Variants in LAMA4 observed in about 807,000 individuals in gnomAD.
LAMA4 encodes laminin subunit alpha 4, also known as laminin subunit alpha-4.
LAMA4 carries 127 observed loss-of-function variants against 207.1 expected under a neutral mutation model. The ratio of observed to expected loss-of-function variants is 0.61; its 90% CI spans 0.53 to 0.71. LAMA4 has a LOEUF of 0.71. Among genes scored for constraint, LAMA4 ranks in the 30% least tolerant of loss-of-function variants. The probability of loss-of-function intolerance (pLI) is 0.00; values close to 1 mark genes in which losing one functional copy is unlikely to be tolerated. For synonymous variants in LAMA4, 761 were observed against 816.0 expected (o/e 0.93, Z 1.15); for missense variants, 2,093 against 2,246.5 (o/e 0.93, Z 1.38).
At chr6:112,253,911 G>A (rs1554190414) in intron 2 of LAMA4, 45 bp downstream of exon 2, 2 of 1,613,028 alleles carry the variant, frequency 1.2e-6, no homozygotes, top group Non-Finnish European at 1.7e-6. Context: ...CAGCCCGCGG[G>A]GGCGCAGGTG....
At chr6:112,176,675 G>T (rs1782044002) in intron 10 of LAMA4, among the ~76,000 whole-genome samples, 1 of 152,196 alleles carries the variant, frequency 6.6e-6, no homozygotes, top group Non-Finnish European at 1.5e-5. Flanking sequence ...TTGTGATGCT[G>T]AATTCTCTGG....
At chr6:112,187,634 T>G (rs781851752) in intron 7 of LAMA4, 33 bp from the exon 8 acceptor site, 38 of 1,609,446 alleles carry the variant, frequency 2.4e-5, no homozygotes, top group Non-Finnish European at 2.9e-5. Flanking sequence ...GAATCACAAG[T>G]CAAAAGCATG....
intron 4 of LAMA4, among the ~76,000 whole-genome samples, chr6:112,206,198 G>T (rs1192821221): frequency 6.6e-6 from 1 of 152,210 alleles, no homozygotes; most frequent in Non-Finnish European, 1.5e-5. Context: ...CTGGGAAGAA[G>T]TGTGACTAGC....
intron 19 of LAMA4, among the ~76,000 whole-genome samples, chr6:112,144,528 A>T (rs188284021): frequency 6.6e-6 from 1 of 152,230 alleles, no homozygotes; most frequent in African/African-American, 2.4e-5. Context: ...CTGGCTACAC[A>T]TTAGAATAAC....
rs374456068 is a variant in LAMA4 at position 112,150,379 on chromosome 6, A to G, written c.2173+132T>C. On this transcript the variant is annotated intron_variant, in intron 17 of 38. Coordinates refer to ENST00000230538, the MANE Select transcript of LAMA4 (RefSeq NM_001105206.3). ...TAGAACTTTTTTTTGTGATGAACGTATTTTGTCATCAGAAAATAACATTTA... is the reference window on the plus strand; with the variant it reads ...TAGAACTTTTTTTTGTGATGAACGTGTTTTGTCATCAGAAAATAACATTTA... The G allele has an allele frequency of 1.9e-5, 15 of 784,174 alleles. No individual in the cohort carries two copies. In the African/African-American group the frequency reaches 2.4e-4, roughly 12 times the overall value. The allele number at this position is 784,174 out of a possible 1,614,324, so 48.6% of individuals were successfully genotyped here. A position where few individuals can be genotyped will look rare whatever the true frequency, so the allele number is the denominator to read the frequency against.
intron 9 of LAMA4, among the ~76,000 whole-genome samples, chr6:112,180,677 C>T (rs373613928): frequency 6.6e-6 from 1 of 152,114 alleles, no homozygotes; most frequent in South Asian, 2.1e-4. Flanking sequence ...AGGTAGATGA[C>T]GTGAGGATGA....
chr6:112,165,776 GC>G (rs1554339782), intron 12 of LAMA4, among the ~76,000 whole-genome samples: 1 of 152,174 alleles, frequency 6.6e-6, no homozygotes, highest in Non-Finnish European at 1.5e-5. Context: ...TACTATTAAA[GC>G]ATCAAATTTT....
intron 3 of LAMA4, chr6:112,213,869 A>G: frequency 2.1e-6 from 1 of 475,942 alleles, no homozygotes; most frequent in Admixed American, 3.5e-5. Flanking sequence ...AAATAAAAGA[A>G]AGCCTTTTAT....
chr6:112,180,095 C>A, intron 9 of LAMA4: 1 of 359,632 alleles, frequency 2.8e-6, no homozygotes, highest in South Asian at 2.3e-5. Context: ...GATCTTTGAT[C>A]CAGTTTAAGT....
chr6:112,179,664 C>T lies in LAMA4; in HGVS notation c.1078-1432G>A, dbSNP rs116047554. On this transcript the variant is annotated intron_variant, in intron 9 of 38. Coordinates refer to ENST00000230538, the MANE Select transcript of LAMA4 (RefSeq NM_001105206.3). ...GATTATGCCATGATTTTACCGGGAA[C>T]GTTTTTACACTCTCCAGGAATAACC... The T allele has an allele frequency of 1.4e-3, 255 of 182,498 alleles. 1 individual carries two copies. The highest frequency in any genetic ancestry group is 5.7e-3 in the African/African-American group (240 of 41,950). The allele number at this position is 182,498 out of a possible 1,614,324, so 11.3% of individuals were successfully genotyped here.
intron 11 of LAMA4, among the ~76,000 whole-genome samples, chr6:112,174,133 T>C (rs1554342838): frequency 6.6e-6 from 1 of 152,092 alleles, no homozygotes; most frequent in Non-Finnish European, 1.5e-5. Flanking sequence ...TTTGCAGCTC[T>C]TCCAATCAAG....
In LAMA4 at chr6:112,119,204, G is replaced by C; in HGVS notation, c.4773C>G (p.Pro1591=). ...CAGGAGCCACACCTCCCAAATAAATGGGACCCTTGATTTTCCAGGTAGCTT... is the reference window on the plus strand; with the variant it reads ...CAGGAGCCACACCTCCCAAATAAATCGGACCCTTGATTTTCCAGGTAGCTT... ...PTEATWKIKG[P]IYLGGVAPGK... Residue 1591 remains proline (P), a synonymous_variant, in exon 34 of 39, where the codon CCC becomes CCG. Coordinates refer to ENST00000230538, the MANE Select transcript of LAMA4 (RefSeq NM_001105206.3). The C allele has an allele frequency of 6.2e-7, 1 of 1,613,986 alleles. No individual in the cohort carries two copies. Among genetic ancestry groups the C allele is most frequent in the Non-Finnish European group, 8.5e-7 (1 of 1,179,938 alleles).
intron 8 of LAMA4, among the ~76,000 whole-genome samples, chr6:112,185,974 C>T (rs1194550105): frequency 6.6e-6 from 1 of 152,102 alleles, no homozygotes; most frequent in Non-Finnish European, 1.5e-5. Flanking sequence ...TGGGTGACTC[C>T]CCTGGGGGGT....
chr6:112,124,092 A>C lies in LAMA4; in HGVS notation c.4288-1891T>G, dbSNP rs921325701. 3.3e-5 allele frequency among the ~76,000 whole-genome samples: 5 copies of C among 152,210 alleles called. 1 individual carries two copies. Among genetic ancestry groups the C allele is most frequent in the Admixed American group, 3.3e-4 (5 of 15,284 alleles). On this transcript the variant is annotated intron_variant, in intron 31 of 38. Transcript: ENST00000230538. ...AGTAATACACTTTATGATAGGAGAT[A>C]TGATCACTTTTGTCTCAGTGAAAGG...
chr6:112,122,674 T>C (rs1778432913), intron 31 of LAMA4, among the ~76,000 whole-genome samples: 1 of 152,190 alleles, frequency 6.6e-6, no homozygotes, highest in Non-Finnish European at 1.5e-5. Context: ...CTTAAGGATA[T>C]TTTTGGTGAT....
At chr6:112,147,630 T>G (rs1266676126) in intron 18 of LAMA4, among the ~76,000 whole-genome samples, 1 of 152,212 alleles carries the variant, frequency 6.6e-6, no homozygotes, top group Non-Finnish European at 1.5e-5. Flanking sequence ...ATATTTCATT[T>G]TCATTTCTAT....
At position 112,169,201 on chromosome 6, in the gene LAMA4, AG is replaced by A. The variant is rs1212630891; in HGVS notation, c.1551+3409del. On this transcript the variant is annotated intron_variant, in intron 12 of 38. Coordinates refer to ENST00000230538, the MANE Select transcript of LAMA4 (RefSeq NM_001105206.3). ...GGGGAGAGAAGCTGGGACCCTAGGC[AG>A]GGGGCAGACCAAAATATCCACAAGT... 2.6e-5 allele frequency among the ~76,000 whole-genome samples: 4 copies of A among 152,304 alleles called. No homozygotes were observed. The South Asian group carries it at 6.2e-4, about 24-fold the overall frequency.
At chr6:112,128,055 A>T (rs1384094824) in intron 31 of LAMA4, among the ~76,000 whole-genome samples, 1 of 152,130 alleles carries the variant, frequency 6.6e-6, no homozygotes, top group Non-Finnish European at 1.5e-5. Context: ...GAGGGGAAAA[A>T]CCAGGGTAAG....
intron 14 of LAMA4, 40 bp downstream of exon 14, chr6:112,158,692 C>T (rs782134768): frequency 6.4e-6 from 10 of 1,555,744 alleles, no homozygotes; most frequent in Middle Eastern, 1.7e-4. Flanking sequence ...ATTTTATTCA[C>T]CCCATGTAGA....
Sources: allele counts gnomAD v4.1 joint callset (sites outside exome capture counted in the v4.1 genomes callset), GRCh38; gene constraint gnomAD v4.1.1; transcripts MANE v1.5; gene names NCBI Gene and HGNC (gene_info 2026-07-23, HGNC 2026-07-21).